Variants in MYT1L observed in about 807,000 individuals in gnomAD.
MYT1L encodes myelin transcription factor 1 like.
A neutral mutation model predicts 126.7 loss-of-function variants in MYT1L; 12 were observed. The observed-to-expected ratio is 0.09, with a 90% CI of 0.06 to 0.15. The LOEUF (loss-of-function observed/expected upper bound fraction) is 0.15, where lower values mean the gene tolerates loss of function less well. Ranked by LOEUF, MYT1L falls within the 10% of genes least tolerant of loss-of-function variation. The pLI is 1.00. For synonymous variants in MYT1L, 541 were observed against 604.2 expected, an observed-to-expected ratio of 0.90 and a Z score of 1.53; for missense variants, 979 against 1,585.2, an observed-to-expected ratio of 0.62 and a Z score of 6.49.
chr2:2,328,579 T>C (rs1217920647), intron 1 of MYT1L, among the ~76,000 whole-genome samples: 1 of 152,186 alleles, frequency 6.6e-6, no homozygotes, highest in Non-Finnish European at 1.5e-5. Flanking sequence ...AGTTCTGCTG[T>C]TGGATGCAAG....
chr2:1,804,138 T>C (rs1488614616), intron 22 of MYT1L, among the ~76,000 whole-genome samples: 1 of 152,190 alleles, frequency 6.6e-6, no homozygotes, highest in African/African-American at 2.4e-5. Flanking sequence ...TTGTTTGTTT[T>C]GAGATGGAGT....
intron 2 of MYT1L, among the ~76,000 whole-genome samples, chr2:2,240,686 C>A (rs900461886): frequency 6.6e-6 from 1 of 152,192 alleles, no homozygotes; most frequent in African/African-American, 2.4e-5. Context: ...GTGTCGCTGA[C>A]ATAGCGGTGT....
intron 4 of MYT1L, among the ~76,000 whole-genome samples, chr2:2,050,108 G>T (rs925434953): frequency 2.6e-5 from 4 of 152,044 alleles, no homozygotes; most frequent in African/African-American, 9.7e-5. Flanking sequence ...ATCATCTTTT[G>T]TAGTTTACAT....
rs1436965102 is a variant in MYT1L at position 1,789,912 on chromosome 2, T to A, written c.*1955A>T. The A allele has an allele frequency of 6.6e-6, 1 of 152,262 alleles. No homozygotes were observed. The highest frequency in any genetic ancestry group is 2.4e-5 in the African/African-American group (1 of 41,476). The allele number at this position is 152,262 out of a possible 1,614,324, so 9.4% of individuals were successfully genotyped here. A position where few individuals can be genotyped will look rare whatever the true frequency, so the allele number is the denominator to read the frequency against. Reference sequence around the variant, plus strand: ...TTATTAAAGTCCTTGTGGAAAACTGTAAGCTTTTGTACAGTGAACAGTATA... The same window carrying A: ...TTATTAAAGTCCTTGTGGAAAACTGAAAGCTTTTGTACAGTGAACAGTATA... On this transcript the variant is annotated 3_prime_UTR_variant, in exon 25 of 25. Coordinates refer to ENST00000647738, the MANE Select transcript of MYT1L (RefSeq NM_001303052.2).
chr2:1,859,355 C>T (rs1052227942), intron 18 of MYT1L, among the ~76,000 whole-genome samples: 1 of 152,186 alleles, frequency 6.6e-6, no homozygotes, highest in Non-Finnish European at 1.5e-5. Context: ...ACAAAAAATA[C>T]ATGGGAAATA....
chr2:2,256,369 A>G (rs1031147514), intron 2 of MYT1L, among the ~76,000 whole-genome samples: 2 of 152,280 alleles, frequency 1.3e-5, no homozygotes, highest in African/African-American at 4.8e-5. Context: ...CTGTGGCCAC[A>G]GGTCTAATTC....
intron 9 of MYT1L, among the ~76,000 whole-genome samples, chr2:1,926,137 C>A (rs117577512): frequency 2.0e-5 from 3 of 152,112 alleles, no homozygotes; most frequent in Non-Finnish European, 4.4e-5. Context: ...AATGTGGGGA[C>A]GGCGGGTGAA....
intron 1 of MYT1L, among the ~76,000 whole-genome samples, chr2:2,329,359 G>T (rs1292545081): frequency 2.6e-5 from 4 of 152,038 alleles, no homozygotes; most frequent in African/African-American, 9.7e-5. Flanking sequence ...GGTTTTTTTA[G>T]ATGTTGATAA....
chr2:1,994,763 T>A (rs1233047012), intron 5 of MYT1L, among the ~76,000 whole-genome samples: 2 of 152,222 alleles, frequency 1.3e-5, no homozygotes, highest in South Asian at 2.1e-4. Flanking sequence ...GTAAAAAAAA[T>A]TTAAAATTAA....
At chr2:1,981,533 C>T (rs1448378110) in intron 5 of MYT1L, among the ~76,000 whole-genome samples, 1 of 152,120 alleles carries the variant, frequency 6.6e-6, no homozygotes, top group East Asian at 1.9e-4. Context: ...GGGAATGCTG[C>T]AGGTCAAGGA....
chr2:2,294,894 C>T (rs183413149), intron 1 of MYT1L, among the ~76,000 whole-genome samples: 16 of 152,202 alleles, frequency 1.1e-4, no homozygotes, highest in Admixed American at 5.9e-4. Context: ...GCTAACATTC[C>T]GGGTGGAGAA....
chr2:2,197,924 C>T (rs559667884), intron 2 of MYT1L, among the ~76,000 whole-genome samples: 9 of 150,006 alleles, frequency 6.0e-5, no homozygotes, highest in Non-Finnish European at 3.0e-5. Flanking sequence ...AACATACACA[C>T]ATATATACAC....
chr2:2,009,469 T>C (rs2063615094), intron 4 of MYT1L, among the ~76,000 whole-genome samples: 1 of 152,244 alleles, frequency 6.6e-6, no homozygotes, highest in African/African-American at 2.4e-5. Context: ...CTATCATAAA[T>C]GGGATTGTTT....
intron 21 of MYT1L, among the ~76,000 whole-genome samples, chr2:1,836,220 C>G (rs2040852759): frequency 6.6e-6 from 1 of 152,124 alleles, no homozygotes. Flanking sequence ...TTCCAACAGC[C>G]TGCACCCAGT....
At chr2:1,865,221 G>A (rs2045298268) in intron 18 of MYT1L, among the ~76,000 whole-genome samples, 1 of 152,202 alleles carries the variant, frequency 6.6e-6, no homozygotes. Flanking sequence ...AGACAAAGGT[G>A]GGACCTGCAC....
At chr2:2,139,956 G>A (rs916835928) in intron 3 of MYT1L, among the ~76,000 whole-genome samples, 4 of 151,944 alleles carry the variant, frequency 2.6e-5, no homozygotes, top group African/African-American at 4.8e-5. Context: ...AGCAAGGATC[G>A]GTCAAAACTT....
chr2:2,208,435 C>A (rs2093389585), intron 2 of MYT1L, among the ~76,000 whole-genome samples: 1 of 152,034 alleles, frequency 6.6e-6, no homozygotes, highest in South Asian at 2.1e-4. Context: ...TGTCAGAGTC[C>A]CACCCTCATG....
intron 18 of MYT1L, among the ~76,000 whole-genome samples, chr2:1,863,528 G>C (rs1187513751): frequency 6.6e-6 from 1 of 152,194 alleles, no homozygotes; most frequent in African/African-American, 2.4e-5. Flanking sequence ...CAGTGTGACA[G>C]CCACGCTTGC....
At chr2:1,861,892 CTCCTACA>C (rs2044693907) in intron 18 of MYT1L, among the ~76,000 whole-genome samples, 2 of 136,652 alleles carry the variant, frequency 1.5e-5, no homozygotes, top group African/African-American at 2.7e-5. Flanking sequence ...ATCCTGGATC[CTCCTACA>C]GCCTGTGTAA....
Sources: allele counts gnomAD v4.1 joint callset (sites outside exome capture counted in the v4.1 genomes callset), GRCh38; gene constraint gnomAD v4.1.1; transcripts MANE v1.5; gene names NCBI Gene and HGNC (gene_info 2026-07-23, HGNC 2026-07-21).